The following PRRC2B variants were observed in gnomAD, a reference collection of about 807,000 sequenced individuals.
PRRC2B encodes the protein protein PRRC2B.
A neutral mutation model predicts 242.3 loss-of-function variants in PRRC2B; 68 were observed. The observed-to-expected ratio is 0.28, with a 90% CI of 0.23 to 0.34. The LOEUF is 0.34. PRRC2B is among the 10% of genes least tolerant of loss of function. The probability of loss-of-function intolerance (pLI) is 1.00; values close to 1 mark genes in which losing one functional copy is unlikely to be tolerated. For missense variants in PRRC2B, 2,835 were observed against 2,954.8 expected (o/e 0.96, Z 0.94); for synonymous variants, 1,228 against 1,173.6 (o/e 1.05, Z -0.95).
chr9:131,440,832 C>CTTGACA (rs1400939664), intron 5 of PRRC2B, among the ~76,000 whole-genome samples: 1 of 5,166 alleles, frequency 1.9e-4, no homozygotes, highest in Non-Finnish European at 7.3e-4. Flanking sequence ...GGGGTGAGGG[C>CTTGACA]TGGACACCTG....
At chr9:131,410,254 AG>A (rs1837471612) in intron 1 of PRRC2B, among the ~76,000 whole-genome samples, 1 of 152,290 alleles carries the variant, frequency 6.6e-6, no homozygotes, top group East Asian at 1.9e-4. Context: ...AGATGAGGAG[AG>A]GGGCTCCAGG....
chr9:131,478,636 G>C lies in PRRC2B; in HGVS notation c.4758+17G>C, dbSNP rs201242049. On this transcript the variant is annotated intron_variant, in intron 18 of 31. Coordinates refer to ENST00000683519, the MANE Select transcript of PRRC2B (RefSeq NM_013318.4). ...GCCGTGCAGGTGAGGGGCGGAGGGTGGGGGGGCATGGGGCTGGAGGGCAGG... is the reference window on the plus strand; with the variant it reads ...GCCGTGCAGGTGAGGGGCGGAGGGTCGGGGGGCATGGGGCTGGAGGGCAGG... The C allele has an allele frequency of 8.4e-6, 12 of 1,437,036 alleles. No homozygotes were observed. Among genetic ancestry groups the C allele is most frequent in the Admixed American group, 1.8e-5 (1 of 54,174 alleles). 89.0% of individuals were successfully genotyped at this position (1,437,036 alleles called of 1,614,324 possible).
intron 5 of PRRC2B, among the ~76,000 whole-genome samples, chr9:131,441,811 G>C (rs773473803): frequency 1.3e-5 from 2 of 152,168 alleles, no homozygotes; most frequent in Admixed American, 1.3e-4. Flanking sequence ...GCATGTTTGG[G>C]CAGAGGTCAG....
chr9:131,446,445 G>C lies in PRRC2B; in HGVS notation c.658G>C (p.Ala220Pro). The change falls in exon 7 of 32, where the codon GCC becomes CCC. Residue 220 changes from alanine to proline, a missense_variant. This residue lies in a region of PRRC2B where 626 missense variants were observed against 685.5 expected (regional missense o/e 0.91). Coordinates refer to ENST00000683519, the MANE Select transcript of PRRC2B (RefSeq NM_013318.4). This position sits in a 1 kb window ranked among gnomAD's most constrained non-coding sequence, Gnocchi z 4.1. ...REGGGRHIIS[A>P]TSLSTSPTEL... is the part of the protein sequence containing the mutation. ...GGGCGGTGGGCGACACATAATTTCT[G>C]CCACGTCTCTGAGCACCTCCCCAAC... 3.1e-6 allele frequency: 5 copies of C among 1,613,578 alleles called. No homozygotes were observed. The highest frequency in any genetic ancestry group is 4.2e-6 in the Non-Finnish European group (5 of 1,179,818).
At chr9:131,454,876 C>A (rs900408016) in intron 9 of PRRC2B, among the ~76,000 whole-genome samples, 200 bp from the exon 10 acceptor site, 1 of 149,372 alleles carries the variant, frequency 6.7e-6, no homozygotes, top group East Asian at 1.9e-4. Flanking sequence ...CCTCATGATC[C>A]GCCCACCTCA....
rs114436293 is a variant in PRRC2B, at chr9:131,447,523, A to G, written c.978-139A>G. ...TGGGATGTACTCGTTTGCTCATTAT[A>G]TATTTCTTTTAAAGGAACTGATAGA... On this transcript the variant is annotated intron_variant, in intron 8 of 31. Transcript: ENST00000683519. The G allele has an allele frequency of 7.1e-5, 68 of 957,816 alleles. No homozygotes were observed. The South Asian group carries it at 8.4e-4, about 12-fold the overall frequency. 59.3% of individuals were successfully genotyped at this position (957,816 alleles called of 1,614,324 possible). A position where few individuals can be genotyped will look rare whatever the true frequency, so the allele number is the denominator to read the frequency against.
intron 1 of PRRC2B, among the ~76,000 whole-genome samples, chr9:131,406,511 G>A (rs534868147): frequency 9.8e-5 from 15 of 152,302 alleles, no homozygotes; most frequent in African/African-American, 3.6e-4. Flanking sequence ...GCCCTGACTT[G>A]ACCTCAGGCC....
At chr9:131,393,758 C>G (rs569941707), upstream of PRRC2B, among the ~76,000 whole-genome samples, 78 of 151,522 alleles carry the variant, frequency 5.1e-4, no homozygotes, top group African/African-American at 1.8e-3. Context: ...ATGCCCTTCC[C>G]AGGCCCCTTC....
intron 28 of PRRC2B, among the ~76,000 whole-genome samples, chr9:131,488,922 C>G (rs1379958208): frequency 6.6e-6 from 1 of 152,196 alleles, no homozygotes; most frequent in Non-Finnish European, 1.5e-5. Flanking sequence ...TCTGTCTCCA[C>G]TCTCCTGTTC....
chr9:131,426,278 C>T (rs1207323007), intron 1 of PRRC2B, among the ~76,000 whole-genome samples: 2 of 133,058 alleles, frequency 1.5e-5, no homozygotes, highest in Non-Finnish European at 3.0e-5. Context: ...GTGGAGGTTG[C>T]AGTGAGCTAA....
intron 1 of PRRC2B, among the ~76,000 whole-genome samples, chr9:131,421,652 G>A (rs551467130): frequency 2.9e-3 from 445 of 152,320 alleles, no homozygotes; most frequent in Non-Finnish European, 4.7e-3. Context: ...CCCTGAGGTC[G>A]GGCCTTGGGC....
At chr9:131,420,190 T>A (rs1000603078) in intron 1 of PRRC2B, among the ~76,000 whole-genome samples, 6 of 152,118 alleles carry the variant, frequency 3.9e-5, no homozygotes, top group African/African-American at 1.4e-4. Flanking sequence ...AACACTGGGT[T>A]ACCAGGAACC....
chr9:131,433,395 G>A (rs541668084), intron 3 of PRRC2B, among the ~76,000 whole-genome samples: 1 of 152,214 alleles, frequency 6.6e-6, no homozygotes, highest in Non-Finnish European at 1.5e-5. Flanking sequence ...GAAACCCTAG[G>A]GGGCAGAGGG....
At chr9:131,462,836 TAAAAAAA>T (rs553444971) in intron 11 of PRRC2B, among the ~76,000 whole-genome samples, 8 of 81,940 alleles carry the variant, frequency 9.8e-5, no homozygotes, top group Admixed American at 7.8e-4. Flanking sequence ...AGACTCCGTC[TAAAAAAA>T]AAAAAAAAAA....
intron 1 of PRRC2B, among the ~76,000 whole-genome samples, chr9:131,387,323 T>G (rs1836838996): frequency 6.7e-6 from 1 of 150,210 alleles, no homozygotes; most frequent in African/African-American, 2.4e-5. Context: ...CTCTCTTAGT[T>G]TTCTGCCTGT....
intron 1 of PRRC2B, among the ~76,000 whole-genome samples, chr9:131,399,544 A>C (rs1837170452): frequency 6.6e-6 from 1 of 152,070 alleles, no homozygotes; most frequent in Non-Finnish European, 1.5e-5. Context: ...ACGACACTGC[A>C]CTCTAGCCTG....
At chr9:131,396,893 T>C (rs6597495) in intron 1 of PRRC2B, among the ~76,000 whole-genome samples, 2,555 of 152,256 alleles carry the variant, frequency 0.017, 79 homozygotes, top group African/African-American at 0.058. Flanking sequence ...CCAGGTCACC[T>C]CTTGGCTGAA....
At chr9:131,455,286 T>C in intron 10 of PRRC2B, 120 bp downstream of exon 10, 1 of 709,244 alleles carries the variant, frequency 1.4e-6, no homozygotes, top group Non-Finnish European at 2.4e-6. Flanking sequence ...TGTTTCCACT[T>C]TGTTTTGAGG....
intron 11 of PRRC2B, among the ~76,000 whole-genome samples, chr9:131,462,153 A>C (rs559992299): frequency 6.6e-6 from 1 of 152,292 alleles, no homozygotes; most frequent in Non-Finnish European, 1.5e-5. Flanking sequence ...GCTGAACATC[A>C]ACAGTGATGA....
Sources: allele counts gnomAD v4.1 joint callset (sites outside exome capture counted in the v4.1 genomes callset), GRCh38; gene constraint gnomAD v4.1.1; regional missense constraint gnomAD v4.1.1; non-coding constraint Gnocchi (gnomAD v3.1); transcripts MANE v1.5; gene names NCBI Gene and HGNC (gene_info 2026-07-23, HGNC 2026-07-21).